The following CDH12 variants were observed in gnomAD, a reference collection of about 807,000 sequenced individuals.
The protein encoded by CDH12 is cadherin-12.
CDH12 carries 41 observed loss-of-function variants against 74.1 expected under a neutral mutation model. That is an observed-to-expected ratio of 0.55 (90% CI 0.43 to 0.72). The LOEUF is 0.72. Ranked by LOEUF, CDH12 falls within the 30% of genes least tolerant of loss-of-function variation. The pLI, the probability that CDH12 is intolerant of heterozygous loss-of-function variation, is 0.00. For synonymous variants in CDH12, 399 were observed against 355.0 expected (o/e 1.12, Z -1.39); for missense variants, 945 against 977.2 (o/e 0.97, Z 0.44).
At chr5:22,128,243 AG>A (rs1745991969) in intron 4 of CDH12, among the ~76,000 whole-genome samples, 1 of 152,090 alleles carries the variant, frequency 6.6e-6, no homozygotes, top group African/African-American at 2.4e-5. Flanking sequence ...GAAAAGGGCA[AG>A]GTGGAGGTTG....
chr5:22,155,248 T>A (rs1386944200), intron 4 of CDH12, among the ~76,000 whole-genome samples: 1 of 151,928 alleles, frequency 6.6e-6, no homozygotes, highest in Admixed American at 6.6e-5. Context: ...ATAATGAGAG[T>A]AAAATCTATT....
chr5:22,762,800 T>A (rs1036994880), intron 1 of CDH12, among the ~76,000 whole-genome samples: 1 of 152,064 alleles, frequency 6.6e-6, no homozygotes, highest in Non-Finnish European at 1.5e-5. Context: ...GGACCATGGT[T>A]ATCTTATCTG....
intron 5 of CDH12, among the ~76,000 whole-genome samples, chr5:22,060,286 G>A (rs1225957368): frequency 6.6e-6 from 1 of 151,674 alleles, no homozygotes; most frequent in African/African-American, 2.4e-5. Context: ...CATGGGCACA[G>A]GGAGGGGAAC....
chr5:21,804,083 T>G (rs1747291067), intron 9 of CDH12, among the ~76,000 whole-genome samples: 1 of 152,190 alleles, frequency 6.6e-6, no homozygotes, highest in African/African-American at 2.4e-5. Flanking sequence ...TGTGTTTATC[T>G]GCTTTGTAAT....
intron 1 of CDH12, among the ~76,000 whole-genome samples, chr5:22,602,896 T>C (rs1405959529): frequency 6.6e-6 from 1 of 152,188 alleles, no homozygotes; most frequent in Non-Finnish European, 1.5e-5. Flanking sequence ...GGGAAAATGT[T>C]CTTTATTGAT....
intron 1 of CDH12, among the ~76,000 whole-genome samples, chr5:22,535,320 A>AT (rs1737794384): frequency 2.0e-5 from 3 of 151,634 alleles, no homozygotes; most frequent in East Asian, 3.9e-4. Flanking sequence ...ACGCCCGGCT[A>AT]ATTTTTTTTG....
intron 5 of CDH12, among the ~76,000 whole-genome samples, chr5:21,998,818 C>T (rs1736442149): frequency 6.6e-6 from 1 of 152,058 alleles, no homozygotes; most frequent in Non-Finnish European, 1.5e-5. Flanking sequence ...AGACAGTACC[C>T]TAGGCTCTGT....
chr5:21,821,850 TGTGA>T (rs1748386114), intron 8 of CDH12, among the ~76,000 whole-genome samples: 1 of 151,972 alleles, frequency 6.6e-6, no homozygotes, highest in Non-Finnish European at 1.5e-5. Flanking sequence ...TTTTTGTGTG[TGTGA>T]GTGATTTACC....
chr5:22,777,396 A>G (rs1747158487), intron 1 of CDH12, among the ~76,000 whole-genome samples: 1 of 152,120 alleles, frequency 6.6e-6, no homozygotes, highest in Non-Finnish European at 1.5e-5. Context: ...TTTTCTCATA[A>G]GAGTTACTGA....
At chr5:21,801,231 CAT>C in intron 10 of CDH12, among the ~76,000 whole-genome samples, 1 of 152,292 alleles carries the variant, frequency 6.6e-6, no homozygotes, top group African/African-American at 2.4e-5. Context: ...TTACTTGTCA[CAT>C]AGTGTAAAAT....
At chr5:22,063,260 C>T (rs1047967127) in intron 5 of CDH12, among the ~76,000 whole-genome samples, 4 of 151,992 alleles carry the variant, frequency 2.6e-5, no homozygotes, top group Non-Finnish European at 4.4e-5. Context: ...ATTGCCACTG[C>T]CTTGACCTCA....
chr5:21,814,669 A>T (rs1044170359), intron 9 of CDH12, among the ~76,000 whole-genome samples: 14 of 150,428 alleles, frequency 9.3e-5, no homozygotes, highest in Non-Finnish European at 1.3e-4. Context: ...GTATATAAAC[A>T]TAAATATATA....
chr5:21,997,473 C>G (rs1736363028), intron 5 of CDH12, among the ~76,000 whole-genome samples: 2 of 152,040 alleles, frequency 1.3e-5, no homozygotes, highest in South Asian at 2.1e-4. Context: ...TCTTCATTTT[C>G]TATGTCAAAA....
intron 1 of CDH12, among the ~76,000 whole-genome samples, chr5:22,844,883 A>C (rs1737230907): frequency 6.6e-6 from 1 of 152,120 alleles, no homozygotes; most frequent in Non-Finnish European, 1.5e-5. Context: ...TAAGTCATTT[A>C]ATTGCTACTT....
At chr5:22,833,227 T>C (rs1736694393) in intron 1 of CDH12, among the ~76,000 whole-genome samples, 1 of 152,172 alleles carries the variant, frequency 6.6e-6, no homozygotes, top group Non-Finnish European at 1.5e-5. Context: ...TTTTCTATGT[T>C]CTGACAATAT....
intron 3 of CDH12, among the ~76,000 whole-genome samples, chr5:22,289,395 C>T (rs1252899908): frequency 6.6e-6 from 1 of 152,074 alleles, no homozygotes; most frequent in Non-Finnish European, 1.5e-5. Flanking sequence ...ATCTGTTCAT[C>T]AAGAATGCCA....
chr5:22,661,347 A>G lies in CDH12; in HGVS notation c.-522-155983T>C, dbSNP rs1378280756. Among the ~76,000 whole-genome samples the G allele has an allele frequency of 2.0e-5, 3 of 152,264 alleles. No homozygotes were observed. The East Asian group carries it at 5.8e-4, about 29-fold the overall frequency. On this transcript the variant is annotated intron_variant, in intron 1 of 14. Coordinates refer to ENST00000382254, the MANE Select transcript of CDH12 (RefSeq NM_004061.5). ...TTATCAGTGCCTAGCCCTTTTGAAA[A>G]ATCCTTTGTTTTGTTTTCTTTAAAT...
chr5:22,825,799 T>C (rs1736288754), intron 1 of CDH12, among the ~76,000 whole-genome samples: 2 of 152,226 alleles, frequency 1.3e-5, no homozygotes, highest in African/African-American at 4.8e-5. Context: ...AAGATCAAAC[T>C]AGGAGTTGTG....
At chr5:22,484,138 T>C (rs911301693) in intron 2 of CDH12, among the ~76,000 whole-genome samples, 4 of 152,102 alleles carry the variant, frequency 2.6e-5, no homozygotes, top group Non-Finnish European at 4.4e-5. Context: ...ATATTGATTA[T>C]CTTCTTTTTC....
Sources: allele counts gnomAD v4.1 joint callset (sites outside exome capture counted in the v4.1 genomes callset), GRCh38; gene constraint gnomAD v4.1.1; transcripts MANE v1.5; gene names NCBI Gene and HGNC (gene_info 2026-07-23, HGNC 2026-07-21).